The following ACTR3C variants were observed in gnomAD, a reference collection of about 807,000 sequenced individuals.
The protein encoded by ACTR3C is actin-related protein 3C.
A neutral mutation model predicts 26.3 loss-of-function variants in ACTR3C; 18 were observed. That is an observed-to-expected ratio of 0.68 (90% CI 0.47 to 1.01). The LOEUF (loss-of-function observed/expected upper bound fraction) is 1.01. Ranked by LOEUF, ACTR3C falls within the 50% of genes least tolerant of loss-of-function variation. The probability of loss-of-function intolerance (pLI) is 0.00; values close to 1 mark genes in which losing one functional copy is unlikely to be tolerated. For synonymous variants in ACTR3C, 55 were observed against 94.5 expected, an observed-to-expected ratio of 0.58 and a Z score of 2.42; for missense variants, 184 against 250.7, an observed-to-expected ratio of 0.73 and a Z score of 1.80.
At position 150,318,192 on chromosome 7, in the gene ACTR3C, G is replaced by A. The variant is rs146220367; in HGVS notation, c.-52+5277C>T. On this transcript the variant is annotated intron_variant, in intron 1 of 7. Coordinates refer to ENST00000683684, the MANE Select transcript of ACTR3C (RefSeq NM_001164458.2). ...CAGCCAGGATGGGGAGGTTTCCTGCGGTTTGGATAATGTTCTTGTTTTGTC... is the reference window on the plus strand; with the variant it reads ...CAGCCAGGATGGGGAGGTTTCCTGCAGTTTGGATAATGTTCTTGTTTTGTC... Among the ~76,000 whole-genome samples the A allele has an allele frequency of 3.6e-3, 546 of 152,234 alleles. 11 individuals carry two copies. The highest frequency in any genetic ancestry group is 4.9e-3 in the Non-Finnish European group (332 of 68,016).
chr7:150,188,634 G>T, the ACTR3C span, among the ~76,000 whole-genome samples: 1 of 151,786 alleles, frequency 6.6e-6, no homozygotes, highest in Non-Finnish European at 1.5e-5. Context: ...GAAGTGAGGG[G>T]AGGGGATTGG....
chr7:150,036,081 T>TC, the ACTR3C span, among the ~76,000 whole-genome samples: 8 of 123,320 alleles, frequency 6.5e-5, no homozygotes, highest in East Asian at 2.3e-4. Context: ...CGAGGGGTGC[T>TC]CCCCCCCCTG....
the ACTR3C span, among the ~76,000 whole-genome samples, chr7:150,024,439 G>A: frequency 1.3e-5 from 2 of 148,354 alleles, no homozygotes; most frequent in Admixed American, 6.7e-5. Flanking sequence ...AACCATACAC[G>A]TGGGAAGAGC....
At chr7:149,964,527 G>A in the ACTR3C span, among the ~76,000 whole-genome samples, 1 of 152,168 alleles carries the variant, frequency 6.6e-6, no homozygotes, top group South Asian at 2.1e-4. Context: ...GAAGGGCATG[G>A]GCAGCTTGCA....
the ACTR3C span, among the ~76,000 whole-genome samples, chr7:149,962,777 A>G: frequency 1.3e-5 from 2 of 152,182 alleles, no homozygotes; most frequent in African/African-American, 4.8e-5. Flanking sequence ...CAGCAAAGGA[A>G]CAGTCAGCCT....
At chr7:149,927,154 AC>A in the ACTR3C span, among the ~76,000 whole-genome samples, 3 of 151,740 alleles carry the variant, frequency 2.0e-5, no homozygotes, top group African/African-American at 7.3e-5. Context: ...CCACACTTCC[AC>A]CCACTCCCAG....
chr7:150,022,465 G>A, the ACTR3C span, among the ~76,000 whole-genome samples: 1 of 151,398 alleles, frequency 6.6e-6, no homozygotes, highest in East Asian at 1.9e-4. Flanking sequence ...ATAGTGACTT[G>A]CTTATGAAAG....
At chr7:150,130,233 A>C in the ACTR3C span, among the ~76,000 whole-genome samples, 1 of 152,180 alleles carries the variant, frequency 6.6e-6, no homozygotes, top group African/African-American at 2.4e-5. Flanking sequence ...GAAACAAACA[A>C]AATAAAGCTT....
At chr7:150,049,744 C>T in the ACTR3C span, among the ~76,000 whole-genome samples, 79 of 152,296 alleles carry the variant, frequency 5.2e-4, no homozygotes, top group South Asian at 8.3e-3. Context: ...TGCCTCCCTT[C>T]CCCAAGCTTT....
the ACTR3C span, among the ~76,000 whole-genome samples, chr7:150,198,675 CCT>C: frequency 6.8e-6 from 1 of 147,392 alleles, no homozygotes; most frequent in Non-Finnish European, 1.5e-5. Context: ...AAGTGAGGAG[CCT>C]CTCCGCCCGG....
the ACTR3C span, among the ~76,000 whole-genome samples, chr7:150,163,038 C>T: frequency 2.6e-5 from 4 of 152,026 alleles, no homozygotes; most frequent in Admixed American, 2.6e-4. Flanking sequence ...CCTGTAATTC[C>T]AGCTACTCGG....
the ACTR3C span, among the ~76,000 whole-genome samples, chr7:150,148,675 C>A: frequency 6.6e-6 from 1 of 152,028 alleles, no homozygotes; most frequent in South Asian, 2.1e-4. Context: ...ATAAATGGCA[C>A]CATACGATAT....
At chr7:150,264,212 T>C (rs1833858287) in intron 6 of ACTR3C, among the ~76,000 whole-genome samples, 1 of 152,336 alleles carries the variant, frequency 6.6e-6, no homozygotes, top group South Asian at 2.1e-4. Flanking sequence ...TCCTTTGCGA[T>C]TCAGAATCCC....
chr7:150,051,521 C>T, the ACTR3C span, among the ~76,000 whole-genome samples: 1 of 144,666 alleles, frequency 6.9e-6, no homozygotes, highest in African/African-American at 2.5e-5. Context: ...CCTTGAACGT[C>T]TGAAATACAC....
the ACTR3C span, among the ~76,000 whole-genome samples, chr7:150,011,507 C>G: frequency 1.3e-5 from 2 of 152,188 alleles, no homozygotes; most frequent in Non-Finnish European, 2.9e-5. Flanking sequence ...ACCGCTTGAA[C>G]CTGGAAGGCA....
the ACTR3C span, among the ~76,000 whole-genome samples, chr7:150,177,742 C>G: frequency 5.6e-4 from 84 of 150,806 alleles, no homozygotes; most frequent in East Asian, 0.014. Context: ...TTCTGATTGT[C>G]TTATTTCTCA....
chr7:150,173,903 C>T, the ACTR3C span, among the ~76,000 whole-genome samples: 175 of 146,548 alleles, frequency 1.2e-3, no homozygotes, highest in African/African-American at 4.3e-3. Context: ...GTCACCTTTG[C>T]TCCAGTTCCC....
the ACTR3C span, among the ~76,000 whole-genome samples, chr7:150,097,795 C>T: frequency 7.8e-4 from 119 of 151,602 alleles, 6 homozygotes; most frequent in African/African-American, 2.8e-3. Context: ...GCAGGGTGTT[C>T]CTGTCATCTG....
chr7:149,887,051 A>G, the ACTR3C span, among the ~76,000 whole-genome samples: 1 of 152,188 alleles, frequency 6.6e-6, no homozygotes, highest in Non-Finnish European at 1.5e-5. Context: ...GAGTCCCAGC[A>G]GCAAAACACA....
Sources: allele counts gnomAD v4.1 joint callset (sites outside exome capture counted in the v4.1 genomes callset), GRCh38; gene constraint gnomAD v4.1.1; transcripts MANE v1.5; gene names NCBI Gene and HGNC (gene_info 2026-07-23, HGNC 2026-07-21).